Variants in HIPK2 observed in about 807,000 individuals in gnomAD.
HIPK2 encodes homeodomain-interacting protein kinase 2.
Under a neutral mutation model 113.7 loss-of-function variants are expected in HIPK2, and 27 were observed. That is an observed-to-expected ratio of 0.24 (90% CI 0.17 to 0.33). The LOEUF (loss-of-function observed/expected upper bound fraction) is 0.33, where lower values mean the gene tolerates loss of function less well. HIPK2 is among the 10% of genes least tolerant of loss of function. The pLI is 1.00. For synonymous variants in HIPK2, 631 were observed against 642.2 expected (o/e 0.98, Z 0.26); for missense variants, 1,257 against 1,588.0 (o/e 0.79, Z 3.54).
At chr7:139,602,080 G>A (rs1018930538) in intron 10 of HIPK2, among the ~76,000 whole-genome samples, 11 of 151,560 alleles carry the variant, frequency 7.3e-5, no homozygotes, top group Non-Finnish European at 1.2e-4. Flanking sequence ...AGCCTCCCGA[G>A]TAGCTGGGAT....
At chr7:139,681,795 A>G (rs572749129) in intron 2 of HIPK2, among the ~76,000 whole-genome samples, 1 of 152,318 alleles carries the variant, frequency 6.6e-6, no homozygotes, top group African/African-American at 2.4e-5. Flanking sequence ...GGGTCCATGC[A>G]GCCACCACTG....
chr7:139,569,336 C>G lies in HIPK2; in HGVS notation c.*3591G>C, dbSNP rs1798190773. 6.6e-6 allele frequency: 1 copy of G among 152,298 alleles called. No individual in the cohort carries two copies. The highest frequency in any genetic ancestry group is 2.4e-5 in the African/African-American group (1 of 41,444). The allele number at this position is 152,298 out of a possible 1,614,324, so 9.4% of individuals were successfully genotyped here. On this transcript the variant is annotated 3_prime_UTR_variant, in exon 15 of 15. Transcript: ENST00000406875. ...GGCAAATGTCCCTGCATTGAAGAAC[C>G]TAAGCCACGCCCCAGGTGCGCCGAT...
At chr7:139,754,643 A>G (rs1210400167) in intron 1 of HIPK2, among the ~76,000 whole-genome samples, 2 of 152,250 alleles carry the variant, frequency 1.3e-5, no homozygotes, top group Non-Finnish European at 2.9e-5. Flanking sequence ...ATTCTGAACA[A>G]TAATTAGTTT....
At chr7:139,762,561 G>A (rs1172359624) in intron 1 of HIPK2, among the ~76,000 whole-genome samples, 1 of 152,176 alleles carries the variant, frequency 6.6e-6, no homozygotes, top group African/African-American at 2.4e-5. Context: ...ACGGATACAC[G>A]TGCACACCCA....
At chr7:139,597,739 G>C (rs933139610) in intron 11 of HIPK2, among the ~76,000 whole-genome samples, 1 of 152,284 alleles carries the variant, frequency 6.6e-6, no homozygotes, top group Admixed American at 6.5e-5. Context: ...CTCTTAAAAA[G>C]AGAACTTTTA....
intron 2 of HIPK2, among the ~76,000 whole-genome samples, chr7:139,685,209 C>T (rs764396623): frequency 1.3e-5 from 2 of 152,168 alleles, no homozygotes; most frequent in African/African-American, 4.8e-5. Flanking sequence ...CTCACTCTGT[C>T]GCTCAGGCTG....
chr7:139,737,627 A>G (rs1381513384), intron 1 of HIPK2, among the ~76,000 whole-genome samples: 1 of 152,188 alleles, frequency 6.6e-6, no homozygotes, highest in East Asian at 1.9e-4. Context: ...CTGCTACACC[A>G]GGAGTTTGGG....
intron 2 of HIPK2, among the ~76,000 whole-genome samples, chr7:139,661,071 G>A (rs1801852490): frequency 6.6e-6 from 1 of 151,196 alleles, no homozygotes; most frequent in African/African-American, 2.4e-5. Context: ...GGTGGGGTGG[G>A]GTTGATCTAT....
intron 9 of HIPK2, among the ~76,000 whole-genome samples, chr7:139,606,838 T>C (rs1285425808): frequency 6.6e-6 from 1 of 152,202 alleles, no homozygotes; most frequent in Non-Finnish European, 1.5e-5. Context: ...TTTTTAGTGC[T>C]TTAGTCTTAA....
At chr7:139,593,460 A>G (rs1298306435) in intron 12 of HIPK2, among the ~76,000 whole-genome samples, 2 of 152,236 alleles carry the variant, frequency 1.3e-5, no homozygotes, top group Non-Finnish European at 2.9e-5. Context: ...TGCAACCAAC[A>G]GTGCCACATA....
At chr7:139,625,954 A>G (rs1339052816) in intron 6 of HIPK2, among the ~76,000 whole-genome samples, 1 of 152,116 alleles carries the variant, frequency 6.6e-6, no homozygotes, top group Non-Finnish European at 1.5e-5. Flanking sequence ...CGCTACAGAG[A>G]CTACCGTTTC....
chr7:139,663,924 C>T (rs1291122085), intron 2 of HIPK2, among the ~76,000 whole-genome samples: 1 of 152,158 alleles, frequency 6.6e-6, no homozygotes, highest in Non-Finnish European at 1.5e-5. Context: ...TATTCTTGTC[C>T]TCGACTTCTG....
intron 1 of HIPK2, among the ~76,000 whole-genome samples, chr7:139,754,972 C>T (rs567562735): frequency 1.3e-5 from 2 of 152,294 alleles, no homozygotes; most frequent in South Asian, 4.1e-4. Context: ...TCCATAAGTA[C>T]TTTAAAAACA....
chr7:139,573,007 T>G lies in HIPK2; in HGVS notation c.3517A>C (p.Ile1173Leu), dbSNP rs1323609712. The G allele has an allele frequency of 1.2e-6, 2 of 1,609,190 alleles. No homozygotes were observed. The highest frequency in any genetic ancestry group is 2.7e-5 in the African/African-American group (2 of 73,978). Residue 1173 changes from isoleucine to leucine, a missense_variant, in exon 15 of 15, where the codon ATC becomes CTC. This residue lies in a region of HIPK2 where 862 missense variants were observed against 1,004.3 expected (regional missense o/e 0.86). Coordinates refer to ENST00000406875, the MANE Select transcript of HIPK2 (RefSeq NM_022740.5). ...ACGGTGGAGGCTGGCGAGGCGCTGA[T>G]GTAGGTCTGGTGGGCAAATTGGGCT... ...YPAQFAHQTY[I>L]SASPASTVYT...
intron 1 of HIPK2, among the ~76,000 whole-genome samples, chr7:139,758,379 A>G (rs1484378061): frequency 1.3e-5 from 2 of 152,212 alleles, no homozygotes; most frequent in African/African-American, 2.4e-5. Context: ...AAAAATATAA[A>G]CTTTTAAACA....
intron 2 of HIPK2, among the ~76,000 whole-genome samples, chr7:139,706,794 T>C (rs1369122410): frequency 6.6e-6 from 1 of 152,254 alleles, no homozygotes; most frequent in African/African-American, 2.4e-5. Context: ...TTTTATTCTC[T>C]TTCCATTTAC....
chr7:139,717,287 T>G (rs1027055936), intron 1 of HIPK2, among the ~76,000 whole-genome samples: 1 of 152,176 alleles, frequency 6.6e-6, no homozygotes, highest in African/African-American at 2.4e-5. Context: ...TATCAGGACA[T>G]AGGTCACCAT....
chr7:139,580,356 T>C (rs1010218709), intron 13 of HIPK2, among the ~76,000 whole-genome samples: 2 of 151,868 alleles, frequency 1.3e-5, no homozygotes, highest in African/African-American at 4.8e-5. Flanking sequence ...GAGATGGGGG[T>C]TGAGTCAGAG....
chr7:139,627,319 TATGTATGTATGTATGTATGC>T (rs1456222416), intron 5 of HIPK2, among the ~76,000 whole-genome samples: 75 of 152,096 alleles, frequency 4.9e-4, no homozygotes, highest in African/African-American at 1.8e-3. Flanking sequence ...TGTATGTATG[TATGTATGTATGTATGTATGC>T]ATGTATTTAA....
Sources: gnomAD v4.1 joint callset for allele counts (sites outside exome capture counted in the v4.1 genomes callset) on GRCh38, gnomAD v4.1.1 for gene constraint, gnomAD v4.1.1 regional missense constraint, MANE v1.5 for transcripts, NCBI Gene and HGNC (gene_info 2026-07-23, HGNC 2026-07-21) for gene names.